The following PTPRG variants were observed in gnomAD, a reference collection of about 807,000 sequenced individuals.
PTPRG encodes the protein protein tyrosine phosphatase receptor type G.
Under a neutral mutation model 165.3 loss-of-function variants are expected in PTPRG, and 102 were observed. The observed-to-expected ratio is 0.62, with a 90% CI of 0.53 to 0.73. The LOEUF (loss-of-function observed/expected upper bound fraction) is 0.73, where lower values mean the gene tolerates loss of function less well. Ranked by LOEUF, PTPRG falls within the 30% of genes least tolerant of loss-of-function variation. PTPRG has a pLI of 0.00. For synonymous variants in PTPRG, 675 were observed against 669.5 expected (o/e 1.01, Z -0.13); for missense variants, 1,866 against 1,861.4 (o/e 1.00, Z -0.05).
chr3:62,096,563 G>A (rs1248834409), intron 5 of PTPRG, among the ~76,000 whole-genome samples: 2 of 152,178 alleles, frequency 1.3e-5, no homozygotes, highest in Non-Finnish European at 2.9e-5. Flanking sequence ...GTTTTGCCAT[G>A]TGTTATCTCT....
At chr3:61,635,222 C>T (rs4688645) in intron 1 of PTPRG, among the ~76,000 whole-genome samples, 35,769 of 151,506 alleles carry the variant, frequency 0.24, 5,089 homozygotes, top group Middle Eastern at 0.32. Flanking sequence ...AATGAGTTGG[C>T]GAAAATCAAG....
intron 1 of PTPRG, among the ~76,000 whole-genome samples, chr3:61,581,609 CTTT>C (rs138750100): frequency 0.66 from 90,209 of 136,904 alleles, 29,511 homozygotes; most frequent in Admixed American, 0.72. Flanking sequence ...TTCTTTTTTT[CTTT>C]TTTTTTTTTT....
At chr3:62,022,497 GC>G (rs2041720464) in intron 4 of PTPRG, among the ~76,000 whole-genome samples, 1 of 152,146 alleles carries the variant, frequency 6.6e-6, no homozygotes. Flanking sequence ...TACCCAACAG[GC>G]ATTTTTCAAT....
chr3:62,284,741 C>A (rs917423078), intron 28 of PTPRG, among the ~76,000 whole-genome samples: 1 of 152,084 alleles, frequency 6.6e-6, no homozygotes, highest in African/African-American at 2.4e-5. Context: ...ACTGTACAGA[C>A]CAGAAACATA....
intron 5 of PTPRG, chr3:62,124,754 T>A: frequency 2.0e-6 from 1 of 496,940 alleles, no homozygotes; most frequent in South Asian, 2.5e-5. Context: ...TTTCTAGAGA[T>A]GTTGTGTTGC....
At chr3:62,104,787 G>A (rs1014599130) in intron 5 of PTPRG, among the ~76,000 whole-genome samples, 2 of 152,148 alleles carry the variant, frequency 1.3e-5, no homozygotes, top group African/African-American at 4.8e-5. Context: ...GGAACTGATG[G>A]TCTGCAAGGT....
intron 17 of PTPRG, among the ~76,000 whole-genome samples, chr3:62,265,896 T>TATACACACAC (rs1553662684): frequency 5.9e-4 from 77 of 130,612 alleles, no homozygotes; most frequent in African/African-American, 1.8e-3. Context: ...GTGCCTTATA[T>TATACACACAC]ACACACACAC....
intron 2 of PTPRG, among the ~76,000 whole-genome samples, chr3:61,919,078 C>T (rs1027613065): frequency 3.3e-5 from 5 of 152,158 alleles, no homozygotes; most frequent in South Asian, 2.1e-4. Flanking sequence ...TCCCAAAAGT[C>T]GGGGCATTGA....
chr3:61,734,566 T>A (rs529992598), intron 1 of PTPRG, among the ~76,000 whole-genome samples: 1 of 152,354 alleles, frequency 6.6e-6, no homozygotes, highest in African/African-American at 2.4e-5. Context: ...GTTGTCCCAA[T>A]TTGTTCCAGA....
At chr3:61,654,109 T>C (rs763522946) in intron 1 of PTPRG, among the ~76,000 whole-genome samples, 5 of 152,162 alleles carry the variant, frequency 3.3e-5, no homozygotes, top group Admixed American at 2.0e-4. Context: ...AGTTTACTCT[T>C]GTGCCTTATA....
At chr3:62,078,328 C>T (rs1701459902) in intron 5 of PTPRG, 70 bp downstream of exon 5, 1 of 1,077,944 alleles carries the variant, frequency 9.3e-7, no homozygotes, top group Non-Finnish European at 1.4e-6. Flanking sequence ...CGAATTGTTC[C>T]ATGTTTAATG....
chr3:62,177,118 T>A (rs1705456407), intron 8 of PTPRG, among the ~76,000 whole-genome samples: 1 of 151,272 alleles, frequency 6.6e-6, no homozygotes, highest in Non-Finnish European at 1.5e-5. Context: ...AAAAAAAAAT[T>A]TATCTTTTTT....
At chr3:61,960,734 G>T (rs891128492) in intron 2 of PTPRG, among the ~76,000 whole-genome samples, 1 of 152,084 alleles carries the variant, frequency 6.6e-6, no homozygotes, top group African/African-American at 2.4e-5. Flanking sequence ...TTTTAGGCTG[G>T]TTGCTTTTGT....
intron 1 of PTPRG, among the ~76,000 whole-genome samples, chr3:61,723,964 G>A (rs542814340): frequency 6.6e-6 from 1 of 152,288 alleles, no homozygotes; most frequent in Middle Eastern, 3.4e-3. Flanking sequence ...GGGCCCTGTG[G>A]CTCATGCCTA....
chr3:61,843,832 A>C (rs1159601871), intron 2 of PTPRG, among the ~76,000 whole-genome samples: 2 of 152,058 alleles, frequency 1.3e-5, no homozygotes, highest in African/African-American at 4.8e-5. Context: ...TTTAAAAAAA[A>C]AAACAAAAAA....
chr3:61,916,382 T>C (rs1272797084), intron 2 of PTPRG, among the ~76,000 whole-genome samples: 1 of 152,160 alleles, frequency 6.6e-6, no homozygotes, highest in Non-Finnish European at 1.5e-5. Context: ...TTTTGAAAAT[T>C]CTAATTTTCG....
chr3:61,977,507 T>A (rs1368684268), intron 2 of PTPRG, among the ~76,000 whole-genome samples: 5 of 152,226 alleles, frequency 3.3e-5, no homozygotes, highest in Non-Finnish European at 7.3e-5. Context: ...TTGTAATTTT[T>A]GTGTATATAC....
chr3:62,083,705 C>G (rs1701655187), intron 5 of PTPRG, among the ~76,000 whole-genome samples: 1 of 152,122 alleles, frequency 6.6e-6, no homozygotes, highest in Non-Finnish European at 1.5e-5. Context: ...TCTTTTGAGG[C>G]CAAGAATCTT....
At chr3:61,653,903 G>GGGGGGGT (rs56696186) in intron 1 of PTPRG, among the ~76,000 whole-genome samples, 26 of 137,916 alleles carry the variant, frequency 1.9e-4, no homozygotes, top group African/African-American at 6.1e-4. Flanking sequence ...GAGCGGTGGG[G>GGGGGGGT]GGCGCGGGGA....
Sources: allele counts gnomAD v4.1 joint callset (sites outside exome capture counted in the v4.1 genomes callset), GRCh38; gene constraint gnomAD v4.1.1; transcripts MANE v1.5; gene names NCBI Gene and HGNC (gene_info 2026-07-23, HGNC 2026-07-21).